TTC29: variants seen among roughly 807,000 people sequenced by gnomAD.
TTC29 encodes the protein tetratricopeptide repeat protein 29.
Under a neutral mutation model 58.1 loss-of-function variants are expected in TTC29, and 49 were observed. The ratio of observed to expected loss-of-function variants is 0.84; its 90% confidence interval spans 0.67 to 1.07. The LOEUF is 1.07. TTC29 is among the 50% of genes least tolerant of loss of function. The pLI is 0.00. For synonymous variants in TTC29, 209 were observed against 196.8 expected, an observed-to-expected ratio of 1.06 and a Z score of -0.52; for missense variants, 582 against 555.6, an observed-to-expected ratio of 1.05 and a Z score of -0.48.
intron 10 of TTC29, among the ~76,000 whole-genome samples, chr4:146,808,193 T>G (rs1413766363): frequency 1.3e-5 from 2 of 152,176 alleles, no homozygotes; most frequent in Non-Finnish European, 2.9e-5. Context: ...TAAACATGCC[T>G]TCATGCTAAA....
intron 11 of TTC29, among the ~76,000 whole-genome samples, chr4:146,728,654 C>CTA (rs1463436959): frequency 1.0e-4 from 15 of 148,434 alleles, no homozygotes; most frequent in African/African-American, 3.2e-4. Flanking sequence ...ACTACTCTCT[C>CTA]TCTCTCTATA....
chr4:146,866,993 A>G (rs1158320051), intron 8 of TTC29, among the ~76,000 whole-genome samples: 7 of 152,180 alleles, frequency 4.6e-5, no homozygotes, highest in Non-Finnish European at 8.8e-5. Context: ...ATTTGATTAT[A>G]CGGCAGGCTA....
At chr4:146,849,133 G>A (rs1035501426) in intron 8 of TTC29, among the ~76,000 whole-genome samples, 4 of 152,116 alleles carry the variant, frequency 2.6e-5, no homozygotes, top group African/African-American at 4.8e-5. Context: ...CTTGTCACTT[G>A]CCAATGGTAG....
At chr4:146,839,309 C>T (rs1728700026) in intron 8 of TTC29, among the ~76,000 whole-genome samples, 1 of 151,928 alleles carries the variant, frequency 6.6e-6, no homozygotes, top group Admixed American at 6.6e-5. Flanking sequence ...AGTTAATAAT[C>T]ATTTATTGTA....
At chr4:146,870,136 G>T (rs1326216414) in intron 7 of TTC29, among the ~76,000 whole-genome samples, 1 of 152,000 alleles carries the variant, frequency 6.6e-6, no homozygotes, top group Non-Finnish European at 1.5e-5. Flanking sequence ...TATTAAGTAT[G>T]GTCATCAGAG....
chr4:146,938,212 A>T (rs1452159039), intron 3 of TTC29, among the ~76,000 whole-genome samples: 1 of 152,156 alleles, frequency 6.6e-6, no homozygotes, highest in African/African-American at 2.4e-5. Context: ...AATGTATTAT[A>T]CTTGTAGTGC....
chr4:146,923,106 T>C (rs1420642226), intron 4 of TTC29, among the ~76,000 whole-genome samples: 1 of 151,846 alleles, frequency 6.6e-6, no homozygotes, highest in Non-Finnish European at 1.5e-5. Context: ...AAAATACAAG[T>C]AACCATTGTA....
chr4:146,827,186 C>G (rs1248818378), intron 9 of TTC29, among the ~76,000 whole-genome samples: 1 of 152,132 alleles, frequency 6.6e-6, no homozygotes, highest in Non-Finnish European at 1.5e-5. Flanking sequence ...CCATGTGGCT[C>G]TCAGGTGGGC....
At position 146,707,644 on chromosome 4, in the gene TTC29, C is replaced by A. The variant is rs1407824674; in HGVS notation, c.1331-93G>T. ...CCTGGGAATCCCTTTTCAGGGATAT[C>A]TGTCCTTATCACCTATAAGATAAGG... On this transcript the variant is annotated intron_variant, in intron 11 of 12. Transcript: ENST00000325106. The A allele has an allele frequency of 2.9e-5, 24 of 835,030 alleles. No individual in the cohort carries two copies. The East Asian group carries it at 5.6e-4, about 20-fold the overall frequency. 51.7% of individuals were successfully genotyped at this position (835,030 alleles called of 1,614,324 possible).
intron 7 of TTC29, among the ~76,000 whole-genome samples, chr4:146,872,234 GCA>G (rs1008296610): frequency 6.6e-6 from 1 of 151,418 alleles, no homozygotes; most frequent in Non-Finnish European, 1.5e-5. Context: ...CACCACATGT[GCA>G]CACACACACA....
At position 146,792,808 on chromosome 4, in the gene TTC29, T is replaced by C. The variant is rs182575775; in HGVS notation, c.1330+10649A>G. ...AAAGGATTCATCATTCTAGATGCCA[T>C]TAAGAACATTTATGATCTATGGGAG... On this transcript the variant is annotated intron_variant, in intron 11 of 12. Coordinates refer to ENST00000325106, the MANE Select transcript of TTC29 (RefSeq NM_031956.4). Among the ~76,000 whole-genome samples the C allele has an allele frequency of 5.5e-3, 834 of 152,298 alleles. 6 individuals are homozygous for C. The highest frequency in any genetic ancestry group is 8.4e-3 in the Admixed American group (128 of 15,306).
intron 4 of TTC29, among the ~76,000 whole-genome samples, chr4:146,919,142 A>T (rs1734423443): frequency 6.6e-6 from 1 of 151,162 alleles, no homozygotes; most frequent in African/African-American, 2.4e-5. Flanking sequence ...TCCACATGGA[A>T]AGATATTAAA....
At chr4:146,816,856 C>T (rs1751443271) in intron 10 of TTC29, among the ~76,000 whole-genome samples, 1 of 152,076 alleles carries the variant, frequency 6.6e-6, no homozygotes, top group Non-Finnish European at 1.5e-5. Context: ...CTAAATCCTT[C>T]TGAAATAAAG....
At chr4:146,896,367 C>T (rs7680445) in intron 6 of TTC29, among the ~76,000 whole-genome samples, 43,028 of 151,904 alleles carry the variant, frequency 0.28, 6,646 homozygotes, top group South Asian at 0.41. Context: ...TTCTTTTTAC[C>T]TTCTGGCATT....
chr4:146,868,894 T>C (rs1730741279), intron 7 of TTC29, among the ~76,000 whole-genome samples: 1 of 152,044 alleles, frequency 6.6e-6, no homozygotes, highest in African/African-American at 2.4e-5. Flanking sequence ...GGTGCCATCC[T>C]TATGGTAACG....
At chr4:146,836,431 C>T (rs1728514486) in intron 8 of TTC29, among the ~76,000 whole-genome samples, 1 of 152,142 alleles carries the variant, frequency 6.6e-6, no homozygotes, top group South Asian at 2.1e-4. Flanking sequence ...ATCAAAGACA[C>T]ACCCTCTGAT....
At chr4:146,911,121 G>C (rs553186649) in intron 4 of TTC29, among the ~76,000 whole-genome samples, 19 of 152,280 alleles carry the variant, frequency 1.2e-4, no homozygotes, top group African/African-American at 4.3e-4. Flanking sequence ...CTATACGCAA[G>C]GGCATGCAAA....
intron 8 of TTC29, among the ~76,000 whole-genome samples, chr4:146,834,136 C>A (rs1411766723): frequency 1.3e-5 from 2 of 152,130 alleles, no homozygotes; most frequent in Admixed American, 1.3e-4. Flanking sequence ...TCTTTTCTTG[C>A]ATAATTGCCC....
At chr4:146,731,549 G>A (rs532060131) in intron 11 of TTC29, among the ~76,000 whole-genome samples, 2 of 152,242 alleles carry the variant, frequency 1.3e-5, no homozygotes, top group South Asian at 4.1e-4. Context: ...GAGGAAGAAA[G>A]AGGGACAAAG....
Sources: allele counts gnomAD v4.1 joint callset (sites outside exome capture counted in the v4.1 genomes callset), GRCh38; gene constraint gnomAD v4.1.1; transcripts MANE v1.5; gene names NCBI Gene and HGNC (gene_info 2026-07-23, HGNC 2026-07-21).